FMN2: variants seen among roughly 807,000 people sequenced by gnomAD.
FMN2 encodes formin-2.
FMN2 carries 51 observed loss-of-function variants against 142.3 expected under a neutral mutation model. The ratio of observed to expected loss-of-function variants is 0.36; its 90% CI spans 0.29 to 0.45. FMN2 has a LOEUF of 0.45. Among genes scored for constraint, FMN2 ranks in the 20% least tolerant of loss-of-function variants. FMN2 has a pLI of 1.00. For synonymous variants in FMN2, 882 were observed against 869.8 expected (o/e 1.01, Z -0.25); for missense variants, 1,936 against 2,122.8 (o/e 0.91, Z 1.73).
At chr1:240,324,846 G>A (rs917560921) in intron 8 of FMN2, among the ~76,000 whole-genome samples, 1 of 152,044 alleles carries the variant, frequency 6.6e-6, no homozygotes, top group African/African-American at 2.4e-5. Context: ...TAGTTGTGGG[G>A]GTATTTACTT....
At chr1:240,469,975 A>G (rs2103246248) in intron 16 of FMN2, among the ~76,000 whole-genome samples, 1 of 152,302 alleles carries the variant, frequency 6.6e-6, no homozygotes, top group South Asian at 2.1e-4. Flanking sequence ...TCTCTGCCAT[A>G]AGGAATGACT....
rs74151621 is a variant in FMN2, at chr1:240,322,344, C to T, written c.4216-6732C>T. 5.2e-3 allele frequency among the ~76,000 whole-genome samples: 797 copies of T among 152,106 alleles called. 7 individuals are homozygous for T. Among genetic ancestry groups the T allele is most frequent in the African/African-American group, 0.018 (747 of 41,484 alleles). ...GCTTGAGAATTGCTATAGTTGATGG[C>T]CTGTGCTTCTTTCCATCCCTGAGAT... is the stretch of plus-strand genomic sequence containing the variant. On this transcript the variant is annotated intron_variant, in intron 8 of 17. Transcript: ENST00000319653.
intron 15 of FMN2, among the ~76,000 whole-genome samples, chr1:240,409,026 T>C (rs1438527055): frequency 6.6e-6 from 1 of 152,182 alleles, no homozygotes; most frequent in Non-Finnish European, 1.5e-5. Context: ...TAACATAACA[T>C]CCCAAATCTC....
At chr1:240,103,126 A>G (rs1170461545) in intron 1 of FMN2, among the ~76,000 whole-genome samples, 1 of 152,222 alleles carries the variant, frequency 6.6e-6, no homozygotes, top group East Asian at 1.9e-4. Flanking sequence ...TCGGCCTCCC[A>G]AAATGCTGGG....
intron 2 of FMN2, among the ~76,000 whole-genome samples, chr1:240,177,177 T>C (rs1664952283): frequency 6.6e-6 from 1 of 152,206 alleles, no homozygotes; most frequent in Non-Finnish European, 1.5e-5. Flanking sequence ...GAACACATTG[T>C]TATTCTGAAA....
intron 13 of FMN2, among the ~76,000 whole-genome samples, chr1:240,338,584 C>T (rs559534463): frequency 6.6e-5 from 10 of 152,172 alleles, no homozygotes; most frequent in Admixed American, 5.9e-4. Context: ...ATGAAACCTC[C>T]TGCCGTCTAC....
rs115586516 is a variant in FMN2 at position 240,147,276 on chromosome 1, C to A, written c.1782+23931C>A. ...TGCCCAGAGTCAGTTGTTTTGTAAGCGGCAGAAGATGGAATTCCAACCCAC... is the reference window on the plus strand; with the variant it reads ...TGCCCAGAGTCAGTTGTTTTGTAAGAGGCAGAAGATGGAATTCCAACCCAC... On this transcript the variant is annotated intron_variant, in intron 2 of 17. Transcript: ENST00000319653. 3.3e-3 allele frequency among the ~76,000 whole-genome samples: 502 copies of A among 152,216 alleles called. 3 individuals are homozygous for A. The highest frequency in any genetic ancestry group is 0.012 in the African/African-American group (487 of 41,540).
chr1:240,342,370 A>C (rs1339968061), intron 13 of FMN2, among the ~76,000 whole-genome samples: 1 of 152,218 alleles, frequency 6.6e-6, no homozygotes, highest in Non-Finnish European at 1.5e-5. Context: ...ATATACTTCA[A>C]AAACTGCTTA....
At chr1:240,304,148 A>C (rs544538385) in intron 8 of FMN2, among the ~76,000 whole-genome samples, 1 of 151,998 alleles carries the variant, frequency 6.6e-6, no homozygotes, top group South Asian at 2.1e-4. Flanking sequence ...CTTTGTCTTT[A>C]CTCTGCCATC....
chr1:240,221,182 G>A (rs1667097959), intron 6 of FMN2, among the ~76,000 whole-genome samples: 1 of 152,106 alleles, frequency 6.6e-6, no homozygotes, highest in Non-Finnish European at 1.5e-5. Context: ...AAACATATGT[G>A]TGCATGCGTC....
Position 240,474,160 on chromosome 1 carries a change from GA to G in FMN2, c.*10del. ...AGATAAGCATGAAAACTTGAACAAT[GA>G]AAAGCAGAATGAAAATGAGTCATTG... is the stretch of plus-strand genomic sequence containing the variant. On this transcript the variant is annotated 3_prime_UTR_variant, in exon 18 of 18. Transcript: ENST00000319653. The G allele has an allele frequency of 6.5e-7, 1 of 1,549,832 alleles. No homozygotes were observed. Among genetic ancestry groups the G allele is most frequent in the South Asian group, 1.3e-5 (1 of 79,736 alleles).
intron 4 of FMN2, 76 bp from the exon 5 acceptor site, chr1:240,206,723 A>C (rs543209991): frequency 6.7e-7 from 1 of 1,483,920 alleles, no homozygotes; most frequent in Admixed American, 2.2e-5. Context: ...AAACAGATAT[A>C]ATTTTGCTTA....
intron 13 of FMN2, among the ~76,000 whole-genome samples, chr1:240,342,415 T>G (rs1410931583): frequency 1.3e-5 from 2 of 152,230 alleles, no homozygotes; most frequent in African/African-American, 2.4e-5. Flanking sequence ...GAATGTGCTG[T>G]AGTTTAGTGA....
intron 16 of FMN2, among the ~76,000 whole-genome samples, chr1:240,463,452 C>G (rs139762120): frequency 6.6e-6 from 1 of 152,074 alleles, no homozygotes; most frequent in Non-Finnish European, 1.5e-5. Context: ...CCTCTAGGAC[C>G]TAGAGCTTGG....
chr1:240,328,649 G>A (rs1671277405), intron 8 of FMN2, among the ~76,000 whole-genome samples: 1 of 151,672 alleles, frequency 6.6e-6, no homozygotes, highest in Admixed American at 6.6e-5. Context: ...GAGTTCAGTG[G>A]TGCAATCTAG....
chr1:240,219,330 G>A (rs1470797432), intron 6 of FMN2, among the ~76,000 whole-genome samples: 7 of 152,128 alleles, frequency 4.6e-5, no homozygotes, highest in Non-Finnish European at 1.0e-4. Flanking sequence ...GACAGCAACA[G>A]GATTTGGGAT....
intron 15 of FMN2, among the ~76,000 whole-genome samples, chr1:240,393,334 G>A (rs1178168234): frequency 6.6e-6 from 1 of 152,058 alleles, no homozygotes; most frequent in African/African-American, 2.4e-5. Context: ...ATCACCACAG[G>A]TGATCTGTGA....
At chr1:240,209,454 C>T (rs936205024) in intron 5 of FMN2, among the ~76,000 whole-genome samples, 16 of 150,666 alleles carry the variant, frequency 1.1e-4, no homozygotes, top group Admixed American at 7.9e-4. Flanking sequence ...GGGGTTTCAC[C>T]GTGTTAGCCA....
At chr1:240,172,121 A>C (rs1664725994) in intron 2 of FMN2, among the ~76,000 whole-genome samples, 2 of 152,204 alleles carry the variant, frequency 1.3e-5, no homozygotes, top group Non-Finnish European at 2.9e-5. Context: ...AAGGGAATGT[A>C]GGATTTGGTA....
Sources: allele counts gnomAD v4.1 joint callset (sites outside exome capture counted in the v4.1 genomes callset), GRCh38; gene constraint gnomAD v4.1.1; transcripts MANE v1.5; gene names NCBI Gene and HGNC (gene_info 2026-07-23, HGNC 2026-07-21).